The following ZNF423 variants were observed in gnomAD, a reference collection of about 807,000 sequenced individuals.
ZNF423 encodes the protein Ebf-associated zinc finger protein.
In ZNF423, 12 loss-of-function variants were observed where a neutral mutation model predicts 95.8. That is an observed-to-expected ratio of 0.13 (90% CI 0.08 to 0.20). The LOEUF is 0.20. Ranked by LOEUF, ZNF423 falls within the 10% of genes least tolerant of loss-of-function variation. ZNF423 has a pLI of 1.00. For synonymous variants in ZNF423, 749 were observed against 711.9 expected, an observed-to-expected ratio of 1.05 and a Z score of -0.83; for missense variants, 1,316 against 1,737.1, an observed-to-expected ratio of 0.76 and a Z score of 4.31.
At chr16:49,555,629 T>C (rs1356359174) in intron 5 of ZNF423, among the ~76,000 whole-genome samples, 1 of 152,156 alleles carries the variant, frequency 6.6e-6, no homozygotes, top group East Asian at 1.9e-4. Flanking sequence ...TATGAACAGA[T>C]AGATGGATAG....
At chr16:49,820,722 G>A (rs1042791397) in intron 1 of ZNF423, among the ~76,000 whole-genome samples, 2 of 152,110 alleles carry the variant, frequency 1.3e-5, no homozygotes, top group East Asian at 1.9e-4. Context: ...TAAGAATCTC[G>A]TTTCATTCTA....
chr16:49,594,113 T>TG (rs1051727287), intron 5 of ZNF423, among the ~76,000 whole-genome samples: 1 of 152,216 alleles, frequency 6.6e-6, no homozygotes, highest in East Asian at 1.9e-4. Flanking sequence ...GCCTTTCAGC[T>TG]GGGGGGTAAA....
intron 3 of ZNF423, among the ~76,000 whole-genome samples, chr16:49,646,945 G>A (rs1973197582): frequency 6.6e-6 from 1 of 152,152 alleles, no homozygotes. Context: ...TCCCTATGAG[G>A]TAGGTACTAT....
chr16:49,692,081 C>T (rs1416868594), intron 3 of ZNF423, among the ~76,000 whole-genome samples: 2 of 152,080 alleles, frequency 1.3e-5, no homozygotes, highest in Non-Finnish European at 2.9e-5. Flanking sequence ...GCCAGAGTAG[C>T]TGGGTCTACA....
chr16:49,806,237 G>A (rs967556049), intron 1 of ZNF423, among the ~76,000 whole-genome samples: 1 of 152,256 alleles, frequency 6.6e-6, no homozygotes, highest in African/African-American at 2.4e-5. Flanking sequence ...CCCCCAGGGA[G>A]GGGCCACACA....
At chr16:49,806,793 C>A (rs1567351987) in intron 1 of ZNF423, among the ~76,000 whole-genome samples, 1 of 151,908 alleles carries the variant, frequency 6.6e-6, no homozygotes. Flanking sequence ...CTTTGGGAGG[C>A]CAAGGCAGGC....
At chr16:49,696,051 C>T (rs1173301151) in intron 3 of ZNF423, among the ~76,000 whole-genome samples, 1 of 152,222 alleles carries the variant, frequency 6.6e-6, no homozygotes, top group African/African-American at 2.4e-5. Context: ...TAGGTTTACT[C>T]AGCTTCTTTG....
At chr16:49,513,748 T>C (rs951329432) in intron 7 of ZNF423, among the ~76,000 whole-genome samples, 2 of 152,094 alleles carry the variant, frequency 1.3e-5, no homozygotes, top group African/African-American at 4.8e-5. Flanking sequence ...GTAGACGTAG[T>C]GACTTACAAT....
chr16:49,690,709 T>C (rs1209271636), intron 3 of ZNF423, among the ~76,000 whole-genome samples: 2 of 152,032 alleles, frequency 1.3e-5, no homozygotes, highest in Admixed American at 1.3e-4. Flanking sequence ...AACAAATGGA[T>C]TATCCATGCC....
chr16:49,697,693 C>T (rs1358428665), intron 3 of ZNF423, among the ~76,000 whole-genome samples: 1 of 152,240 alleles, frequency 6.6e-6, no homozygotes, highest in African/African-American at 2.4e-5. Flanking sequence ...CTGGACCGTG[C>T]AGTGGGATGG....
chr16:49,814,586 C>T (rs2034807590), intron 1 of ZNF423, among the ~76,000 whole-genome samples: 1 of 151,894 alleles, frequency 6.6e-6, no homozygotes, highest in Non-Finnish European at 1.5e-5. Context: ...CACGCTTGTT[C>T]CTGAGAAGTA....
intron 3 of ZNF423, among the ~76,000 whole-genome samples, chr16:49,717,779 C>T (rs1455678527): frequency 6.6e-6 from 1 of 152,178 alleles, no homozygotes; most frequent in African/African-American, 2.4e-5. Context: ...CTCTCCTTCT[C>T]TGTCCTCCCT....
chr16:49,786,740 C>T (rs1006023201), intron 2 of ZNF423, among the ~76,000 whole-genome samples: 8 of 152,144 alleles, frequency 5.3e-5, no homozygotes, highest in African/African-American at 1.4e-4. Context: ...GACTGGGGAC[C>T]GTGGATTCAC....
chr16:49,660,194 CT>C (rs1270929717), intron 3 of ZNF423, among the ~76,000 whole-genome samples: 8 of 151,666 alleles, frequency 5.3e-5, no homozygotes, highest in African/African-American at 1.9e-4. Flanking sequence ...CTGGCAATAA[CT>C]ATCTGCTCAA....
At position 49,855,375 on chromosome 16, in the gene ZNF423, C is replaced by G. The variant is rs1308180057; in HGVS notation, c.40+360G>C. Among the ~76,000 whole-genome samples, 4 of 150,978 alleles carry G rather than the reference C, an allele frequency of 2.6e-5. No individual in the cohort carries two copies. The highest frequency in any genetic ancestry group is 6.6e-5 in the Admixed American group (1 of 15,212). On this transcript the variant is annotated intron_variant, in intron 1 of 7. Coordinates refer to ENST00000563137, the MANE Select transcript of ZNF423 (RefSeq NM_001379286.1). This position sits in a 1 kb window ranked among gnomAD's most constrained non-coding sequence, Gnocchi z 4.7. ...CAATCCCCGCCAAGTCGGGCCAGCACCCCTTGATTGGCCACACGGGCCCGG... is the reference window on the plus strand; with the variant it reads ...CAATCCCCGCCAAGTCGGGCCAGCAGCCCTTGATTGGCCACACGGGCCCGG...
intron 5 of ZNF423, among the ~76,000 whole-genome samples, chr16:49,546,335 CT>C (rs1160820556): frequency 6.6e-6 from 1 of 152,200 alleles, no homozygotes; most frequent in African/African-American, 2.4e-5. Context: ...ACTTTCTTCA[CT>C]TCCAAACAGT....
intron 5 of ZNF423, among the ~76,000 whole-genome samples, chr16:49,549,794 C>G (rs1254309000): frequency 6.6e-6 from 1 of 152,120 alleles, no homozygotes; most frequent in East Asian, 1.9e-4. Flanking sequence ...AGCCAGTGAA[C>G]TAACTACATT....
chr16:49,532,976 C>T (rs1040375351), intron 5 of ZNF423, among the ~76,000 whole-genome samples: 2 of 152,136 alleles, frequency 1.3e-5, no homozygotes, highest in African/African-American at 4.8e-5. Context: ...GCCAATTCCA[C>T]GCATGGGCAC....
chr16:49,805,326 GC>G (rs1290696575), intron 1 of ZNF423, among the ~76,000 whole-genome samples: 4 of 152,198 alleles, frequency 2.6e-5, no homozygotes, highest in African/African-American at 9.7e-5. Context: ...AACACACTGA[GC>G]CACCTCTTCA....
Sources: gnomAD v4.1 joint callset for allele counts (sites outside exome capture counted in the v4.1 genomes callset) on GRCh38, gnomAD v4.1.1 for gene constraint, Gnocchi (gnomAD v3.1) non-coding constraint, MANE v1.5 for transcripts, NCBI Gene and HGNC (gene_info 2026-07-23, HGNC 2026-07-21) for gene names.